The following PTAFR variants were observed in gnomAD, a reference collection of about 807,000 sequenced individuals.
PTAFR encodes the protein platelet-activating factor receptor.
In PTAFR, 8 loss-of-function variants were observed where a neutral mutation model predicts 14.7. That is an observed-to-expected ratio of 0.54 (90% confidence interval 0.32 to 0.98). The LOEUF is 0.98. PTAFR is among the 50% of genes least tolerant of loss of function. The pLI, the probability that PTAFR is intolerant of heterozygous loss-of-function variation, is 0.04. For missense variants in PTAFR, 337 were observed against 451.2 expected (o/e 0.75, Z 2.29); for synonymous variants, 156 against 176.5 (o/e 0.88, Z 0.92).
intron 1 of PTAFR, among the ~76,000 whole-genome samples, chr1:28,169,213 T>C (rs1043248850): frequency 2.0e-5 from 3 of 150,386 alleles, no homozygotes; most frequent in African/African-American, 7.4e-5. Flanking sequence ...CTGGACAACA[T>C]AGCAACACCC....
intron 1 of PTAFR, among the ~76,000 whole-genome samples, chr1:28,160,567 CCA>C (rs1646311910): frequency 1.3e-5 from 2 of 150,744 alleles, no homozygotes; most frequent in Admixed American, 6.6e-5. Flanking sequence ...CCGCCACCCC[CCA>C]CACACACACG....
chr1:28,150,812 C>T lies in PTAFR; in HGVS notation c.210G>A (p.Leu70=). 6.2e-7 allele frequency: 1 copy of T among 1,614,108 alleles called. No homozygotes were observed. Among genetic ancestry groups the T allele is most frequent in the Non-Finnish European group, 8.5e-7 (1 of 1,180,024 alleles). Reference sequence around the variant, plus strand: ...TTTGGTAGTAGACAATCCAAAGTGGCAGGGTGATCAAGAAGAGCATGTCCG... The same window carrying T: ...TTTGGTAGTAGACAATCCAAAGTGGTAGGGTGATCAAGAAGAGCATGTCCG... ...TMADMLFLIT[L]PLWIVYYQNQ... is the part of the protein sequence containing the mutation. The change falls in exon 2 of 2, where the codon CTG becomes CTA. Residue 70 remains leucine (L), a synonymous_variant. Transcript: ENST00000373857. This position sits in a 1 kb window ranked among gnomAD's most constrained non-coding sequence, Gnocchi z 6.3.
At position 28,150,342 on chromosome 1, in the gene PTAFR, T is replaced by C; in HGVS notation, c.680A>G (p.Lys227Arg). ...PVQQQRNAEVKRRALWMVCTV... is the reference protein window; with the variant it reads ...PVQQQRNAEVRRRALWMVCTV... ...GCACACCATCCACAGCGCCCGGCGC[T>C]TGACTTCAGCGTTGCGCTGCTGCTG... Residue 227 changes from lysine to arginine, a missense_variant, in exon 2 of 2, where the codon AAG (lysine) becomes AGG (arginine). Coordinates refer to ENST00000373857, the MANE Select transcript of PTAFR (RefSeq NM_000952.5). The surrounding 1 kb of genome is among the most constrained non-coding windows in gnomAD (Gnocchi z 6.3). The C allele has an allele frequency of 6.2e-7, 1 of 1,614,074 alleles. No individual in the cohort carries two copies. The highest frequency in any genetic ancestry group is 8.5e-7 in the Non-Finnish European group (1 of 1,179,974).
chr1:28,169,511 ACAGACTCTGGAGT>A (rs1162458735), intron 1 of PTAFR, among the ~76,000 whole-genome samples: 1 of 152,190 alleles, frequency 6.6e-6, no homozygotes, highest in Non-Finnish European at 1.5e-5. Flanking sequence ...GGTTAAGAGC[ACAGACTCTGGAGT>A]CAGACTCTGT....
At chr1:28,171,720 T>G (rs1646456717) in intron 1 of PTAFR, among the ~76,000 whole-genome samples, 1 of 152,058 alleles carries the variant, frequency 6.6e-6, no homozygotes, top group African/African-American at 2.4e-5. Flanking sequence ...ATGATCTGGG[T>G]ACCAGTCAGA....
At chr1:28,171,056 C>G (rs1646447966) in intron 1 of PTAFR, among the ~76,000 whole-genome samples, 1 of 151,836 alleles carries the variant, frequency 6.6e-6, no homozygotes, top group African/African-American at 2.4e-5. Context: ...GGTGGGGTGG[C>G]TCACACCTGT....
At chr1:28,173,278 A>G (rs910250847) in intron 1 of PTAFR, among the ~76,000 whole-genome samples, 1 of 110,478 alleles carries the variant, frequency 9.1e-6, no homozygotes, top group Non-Finnish European at 1.7e-5. Flanking sequence ...ACAGAGCAAG[A>G]CTGTGTCTCT....
chr1:28,157,628 TGA>T (rs201653253), intron 1 of PTAFR, among the ~76,000 whole-genome samples: 23 of 149,354 alleles, frequency 1.5e-4, no homozygotes, highest in Non-Finnish European at 2.5e-4. Flanking sequence ...GCATTAATTT[TGA>T]TTTTTTTTTT....
chr1:28,191,203 G>T lies in PTAFR; in HGVS notation c.-39+2519C>A, dbSNP rs571882120. The stretch of plus-strand genomic sequence containing the variant: ...ACTCAGAGATGTGGCCAGGCCTCGC[G>T]GGGGAGGCCTGACAGGGAGAACAAT... On this transcript the variant is annotated intron_variant, in intron 1 of 1. Transcript: ENST00000305392. Among the ~76,000 whole-genome samples, 11 of 152,274 alleles carry T rather than the reference G, an allele frequency of 7.2e-5. No homozygotes were observed. In the South Asian group the frequency reaches 2.3e-3, roughly 32 times the overall value.
At chr1:28,153,181 G>A (rs1376916723) in intron 1 of PTAFR, among the ~76,000 whole-genome samples, 1 of 152,074 alleles carries the variant, frequency 6.6e-6, no homozygotes, top group African/African-American at 2.4e-5. Flanking sequence ...CACGCCTGTA[G>A]TCTCAGCTAC....
At chr1:28,170,319 C>T (rs1185691476) in intron 1 of PTAFR, among the ~76,000 whole-genome samples, 4 of 152,160 alleles carry the variant, frequency 2.6e-5, no homozygotes, top group Non-Finnish European at 5.9e-5. Flanking sequence ...TCACTCTTCG[C>T]TTCCAAACTC....
chr1:28,152,368 A>T (rs1572028602), intron 1 of PTAFR, among the ~76,000 whole-genome samples: 1 of 151,856 alleles, frequency 6.6e-6, no homozygotes, highest in African/African-American at 2.4e-5. Flanking sequence ...TTGGGAGGCC[A>T]AGGTGGGCGG....
At chr1:28,172,568 TG>T (rs1646464113) in intron 1 of PTAFR, among the ~76,000 whole-genome samples, 1 of 152,234 alleles carries the variant, frequency 6.6e-6, no homozygotes, top group South Asian at 2.1e-4. Flanking sequence ...ACGGGGTGGT[TG>T]TGAGAGCTGA....
In PTAFR at chr1:28,150,975, G is replaced by C; in HGVS notation, c.47C>G (p.Thr16Ser). The C allele has an allele frequency of 6.2e-7, 1 of 1,611,734 alleles. No homozygotes were observed. Among genetic ancestry groups the C allele is most frequent in the Non-Finnish European group, 8.5e-7 (1 of 1,178,522 alleles). The change falls in exon 2 of 2, where the codon ACT (threonine) becomes AGT (serine). Residue 16 changes from threonine to serine, a missense_variant. By Grantham distance (58) the Thr-to-Ser change is moderately conservative (BLOSUM62 1). Coordinates refer to ENST00000373857, the MANE Select transcript of PTAFR (RefSeq NM_000952.5). The surrounding 1 kb of genome is among the most constrained non-coding windows in gnomAD (Gnocchi z 6.3). ...GATGCTGTAAACAATCGGGAAGAGA[G>C]TGTATCGGAACTCAGAGTCCATGTG... ...SSHMDSEFRY[T>S]LFPIVYSIIF...
intron 1 of PTAFR, among the ~76,000 whole-genome samples, chr1:28,191,418 T>C (rs946026382): frequency 3.3e-5 from 5 of 152,224 alleles, no homozygotes; most frequent in African/African-American, 1.2e-4. Context: ...GTAACTGTCA[T>C]GAGTCTAACT....
chr1:28,150,088 G>T lies in PTAFR; in HGVS notation c.934C>A (p.Arg312Ser), dbSNP rs762152737. The T allele has an allele frequency of 3.1e-6, 5 of 1,614,048 alleles. No individual in the cohort carries two copies. The highest frequency in any genetic ancestry group is 4.2e-6 in the Non-Finnish European group (5 of 1,180,010). Reference sequence around the variant, plus strand: ...GCCCGGGAGCATTTCCGGCTACTGCGCATGCTGTAGAACTTTTCGGTGAGG... The same window carrying T: ...GCCCGGGAGCATTTCCGGCTACTGCTCATGCTGTAGAACTTTTCGGTGAGG... Reference protein sequence around the residue: ...KHLTEKFYSMRSSRKCSRATT... With the variant: ...KHLTEKFYSMSSSRKCSRATT... The change falls in exon 2 of 2, where the codon CGC becomes AGC. Residue 312 changes from arginine (R) to serine (S), a missense_variant. By Grantham distance (110) the Arg-to-Ser change is moderately radical. Transcript: ENST00000373857. This position sits in a 1 kb window ranked among gnomAD's most constrained non-coding sequence, Gnocchi z 6.3.
At position 28,150,557 on chromosome 1, in the gene PTAFR, C is replaced by T. The variant is rs766355463; in HGVS notation, c.465G>A (p.Leu155=). The part of the protein sequence containing the change: ...IVGAASYFLI[L]DSTNTVPDSA... ...TGTCGGGCACTGTGTTGGTGGAGTC[C>T]AGGATGAGGAAGTAGGATGCAGCTC... The change falls in exon 2 of 2, where the codon CTG becomes CTA. Residue 155 remains leucine, a synonymous_variant. Coordinates refer to ENST00000373857, the MANE Select transcript of PTAFR (RefSeq NM_000952.5). The surrounding 1 kb of genome is among the most constrained non-coding windows in gnomAD (Gnocchi z 6.3). 1.2e-6 allele frequency: 2 copies of T among 1,614,078 alleles called. No homozygotes were observed. Among genetic ancestry groups the T allele is most frequent in the Admixed American group, 3.3e-5 (2 of 60,002 alleles).
upstream of PTAFR, among the ~76,000 whole-genome samples, chr1:28,181,215 T>C (rs1180002997): frequency 6.6e-6 from 1 of 152,222 alleles, no homozygotes; most frequent in African/African-American, 2.4e-5. Flanking sequence ...ACCACAAGGA[T>C]TTCTTGTACT....
In PTAFR at chr1:28,148,625, CTAA is replaced by C. The variant is rs1646142963; in HGVS notation, c.*1365_*1367del. 1 of 152,358 alleles carries C rather than the reference CTAA, an allele frequency of 6.6e-6. No individual in the cohort carries two copies. Among genetic ancestry groups the C allele is most frequent in the Admixed American group, 6.5e-5 (1 of 15,278 alleles). The allele number at this position is 152,358 out of a possible 1,614,324, so 9.4% of individuals were successfully genotyped here. ...TACAGGCATGCGCCACCACGCCAGGCTAATTTTTTTGTATTTTTAGTAGAGACG... is the reference window on the plus strand; with the variant it reads ...TACAGGCATGCGCCACCACGCCAGGCTTTTTTTGTATTTTTAGTAGAGACG... On this transcript the variant is annotated 3_prime_UTR_variant, in exon 2 of 2. Transcript: ENST00000373857.
Sources: allele counts gnomAD v4.1 joint callset (sites outside exome capture counted in the v4.1 genomes callset), GRCh38; gene constraint gnomAD v4.1.1; non-coding constraint Gnocchi (gnomAD v3.1); transcripts MANE v1.5; gene names NCBI Gene and HGNC (gene_info 2026-07-23, HGNC 2026-07-21).